MDGA2: variants seen among roughly 807,000 people sequenced by gnomAD.
The protein encoded by MDGA2 is MAM domain-containing glycosylphosphatidylinositol anchor protein 2.
A neutral mutation model predicts 117.8 loss-of-function variants in MDGA2; 40 were observed. That is an observed-to-expected ratio of 0.34 (90% CI 0.26 to 0.44). MDGA2 has a LOEUF of 0.44. MDGA2 is among the 20% of genes least tolerant of loss of function. The pLI is 1.00. For synonymous variants in MDGA2, 452 were observed against 439.0 expected, an observed-to-expected ratio of 1.03 and a Z score of -0.37; for missense variants, 1,123 against 1,250.6, an observed-to-expected ratio of 0.90 and a Z score of 1.54.
chr14:47,167,685 C>T (rs1883941088), intron 3 of MDGA2, among the ~76,000 whole-genome samples: 1 of 152,010 alleles, frequency 6.6e-6, no homozygotes, highest in South Asian at 2.1e-4. Context: ...ACATGGAAAA[C>T]ATCTCAGGGA....
At chr14:47,070,797 T>G (rs909167188) in intron 6 of MDGA2, among the ~76,000 whole-genome samples, 5 of 152,056 alleles carry the variant, frequency 3.3e-5, no homozygotes, top group African/African-American at 9.7e-5. Context: ...TGGTAGAGAC[T>G]GGGTTTCACC....
intron 1 of MDGA2, among the ~76,000 whole-genome samples, chr14:47,427,600 G>T (rs1432365848): frequency 6.6e-6 from 1 of 152,144 alleles, no homozygotes; most frequent in African/African-American, 2.4e-5. Context: ...GTAGAAGCAA[G>T]AATTAATTGC....
chr14:47,614,480 G>A (rs923881069), intron 1 of MDGA2, among the ~76,000 whole-genome samples: 1 of 152,054 alleles, frequency 6.6e-6, no homozygotes, highest in African/African-American at 2.4e-5. Flanking sequence ...ACCCAATACT[G>A]GCCTTCCATT....
chr14:47,046,620 AATAAAT>A (rs1292811559), intron 7 of MDGA2, among the ~76,000 whole-genome samples: 8 of 151,148 alleles, frequency 5.3e-5, no homozygotes, highest in African/African-American at 1.9e-4. Context: ...TAAATAAATA[AATAAAT>A]ATAAATAAAA....
chr14:47,570,246 G>A (rs1038530371), intron 1 of MDGA2, among the ~76,000 whole-genome samples: 9 of 152,148 alleles, frequency 5.9e-5, no homozygotes, highest in Non-Finnish European at 1.2e-4. Flanking sequence ...GACCCACTTA[G>A]TATCCTCAAT....
intron 1 of MDGA2, among the ~76,000 whole-genome samples, chr14:47,607,440 T>C (rs1896762309): frequency 6.6e-6 from 1 of 152,178 alleles, no homozygotes; most frequent in Non-Finnish European, 1.5e-5. Context: ...TTGCTATATA[T>C]CAACATAACT....
At chr14:47,110,613 T>A (rs888131701) in intron 5 of MDGA2, among the ~76,000 whole-genome samples, 4 of 152,196 alleles carry the variant, frequency 2.6e-5, no homozygotes, top group African/African-American at 7.2e-5. Flanking sequence ...AACTTTATTT[T>A]ATAGAAATTT....
At chr14:46,928,305 A>G (rs1289296185) in intron 9 of MDGA2, among the ~76,000 whole-genome samples, 2 of 152,186 alleles carry the variant, frequency 1.3e-5, no homozygotes, top group Non-Finnish European at 2.9e-5. Context: ...TAATATGTCT[A>G]AAGCATTTTT....
At chr14:46,961,480 T>C (rs751523993) in intron 8 of MDGA2, among the ~76,000 whole-genome samples, 1 of 152,170 alleles carries the variant, frequency 6.6e-6, no homozygotes, top group Non-Finnish European at 1.5e-5. Context: ...CTGCAAAATA[T>C]ATATTGTGTA....
rs186484330 is a variant in MDGA2 at position 46,854,356 on chromosome 14, A to G, written c.2883+668T>C. On this transcript the variant is annotated intron_variant, in intron 15 of 16. Coordinates refer to ENST00000399232, the MANE Select transcript of MDGA2 (RefSeq NM_001113498.3). ...AATATTTGGATATGTATATATTTAT[A>G]TATGTATATATGTTTATACACATTA... 2.7e-3 allele frequency among the ~76,000 whole-genome samples: 408 copies of G among 151,606 alleles called. 8 individuals carry two copies. The highest frequency in any genetic ancestry group is 2.3e-3 in the East Asian group (12 of 5,182).
intron 8 of MDGA2, among the ~76,000 whole-genome samples, chr14:47,023,581 T>A (rs749466347): frequency 1.3e-5 from 2 of 152,158 alleles, no homozygotes; most frequent in Non-Finnish European, 2.9e-5. Context: ...AGGTCTTTAA[T>A]TCAGAATACA....
intron 1 of MDGA2, among the ~76,000 whole-genome samples, chr14:47,555,541 C>A (rs10137017): frequency 0.11 from 16,182 of 152,110 alleles, 985 homozygotes; most frequent in African/African-American, 0.14. Context: ...CATCCCATAT[C>A]CTCAGAAGGA....
Position 47,239,660 on chromosome 14 carries a change from T to G in MDGA2, c.421-21465A>C, listed in dbSNP as rs543054277. 3.1e-4 allele frequency among the ~76,000 whole-genome samples: 47 copies of G among 151,996 alleles called. 1 individual carries two copies. In the South Asian group the frequency reaches 6.9e-3, roughly 22 times the overall value. On this transcript the variant is annotated intron_variant, in intron 2 of 16. Transcript: ENST00000399232. Reference sequence around the variant, plus strand: ...CCTTTGGCTATTTTACTATTACATTTCAATAAGATAATGAATTTTCCTTTG... The same window carrying G: ...CCTTTGGCTATTTTACTATTACATTGCAATAAGATAATGAATTTTCCTTTG...
intron 1 of MDGA2, among the ~76,000 whole-genome samples, chr14:47,436,424 C>A (rs1892899714): frequency 6.6e-6 from 1 of 151,972 alleles, no homozygotes; most frequent in Admixed American, 6.6e-5. Context: ...ATGGCATTTT[C>A]TTTTCAAGGT....
intron 5 of MDGA2, among the ~76,000 whole-genome samples, chr14:47,121,274 C>T (rs144961353): frequency 1.2e-3 from 183 of 152,176 alleles, no homozygotes; most frequent in African/African-American, 4.2e-3. Context: ...ACAATAAGAA[C>T]ATGTTTAGGT....
intron 4 of MDGA2, among the ~76,000 whole-genome samples, chr14:47,143,045 G>A (rs1882791359): frequency 6.6e-6 from 1 of 152,150 alleles, no homozygotes; most frequent in Admixed American, 6.6e-5. Flanking sequence ...ATACTAATCT[G>A]AAGGATCTCA....
chr14:47,130,935 T>C (rs552082878), intron 5 of MDGA2, among the ~76,000 whole-genome samples: 3 of 152,224 alleles, frequency 2.0e-5, no homozygotes, highest in East Asian at 3.9e-4. Flanking sequence ...AGTTAATGGG[T>C]GCAGCACACC....
At chr14:46,941,631 A>G (rs566797743) in intron 9 of MDGA2, among the ~76,000 whole-genome samples, 1 of 152,262 alleles carries the variant, frequency 6.6e-6, no homozygotes, top group African/African-American at 2.4e-5. Context: ...TGGTTTTATT[A>G]CCATTCAATT....
At chr14:47,209,499 G>C (rs992852942) in intron 3 of MDGA2, among the ~76,000 whole-genome samples, 14 of 152,160 alleles carry the variant, frequency 9.2e-5, no homozygotes, top group Non-Finnish European at 1.3e-4. Context: ...ACTCCAGTAG[G>C]TGCTCTGTGA....
Sources: gnomAD v4.1 joint callset for allele counts (sites outside exome capture counted in the v4.1 genomes callset) on GRCh38, gnomAD v4.1.1 for gene constraint, MANE v1.5 for transcripts, NCBI Gene and HGNC (gene_info 2026-07-23, HGNC 2026-07-21) for gene names.